UBE2D3: variants seen among roughly 807,000 people sequenced by gnomAD.
UBE2D3 encodes ubiquitin conjugating enzyme E2 D3.
In UBE2D3, 2 loss-of-function variants were observed where a neutral mutation model predicts 22.8. The observed-to-expected ratio is 0.09, with a 90% CI of 0.04 to 0.28. The LOEUF (loss-of-function observed/expected upper bound fraction) is 0.28, where lower values mean the gene tolerates loss of function less well. UBE2D3 is among the 10% of genes least tolerant of loss of function. The pLI, the probability that UBE2D3 is intolerant of heterozygous loss-of-function variation, is 1.00. For synonymous variants in UBE2D3, 56 were observed against 60.4 expected (o/e 0.93, Z 0.34); for missense variants, 27 against 182.5 (o/e 0.15, Z 4.91).
Position 102,836,678 on chromosome 4 carries a change from T to A in UBE2D3, c.-128-10042A>T, listed in dbSNP as rs549560265. ...GAGTGTTCCAATTTCTCCTGACTGG[T>A]TAGGATTAGTCTTTTCAATTTTAGC... On this transcript the variant is annotated intron_variant, in intron 1 of 7. Transcript: ENST00000338145. Among the ~76,000 whole-genome samples the A allele has an allele frequency of 2.0e-5, 3 of 152,344 alleles. No individual in the cohort carries two copies. The South Asian group carries it at 6.2e-4, about 32-fold the overall frequency.
intron 1 of UBE2D3, among the ~76,000 whole-genome samples, chr4:102,853,265 C>T (rs1208790974): frequency 6.6e-6 from 1 of 151,038 alleles, no homozygotes; most frequent in East Asian, 1.9e-4. Context: ...GCCTCAGCCT[C>T]CCGAGTAGCT....
chr4:102,799,282 A>C (rs1042141471), intron 7 of UBE2D3, 125 bp downstream of exon 7: 6 of 771,634 alleles, frequency 7.8e-6, no homozygotes, highest in South Asian at 2.0e-5. Flanking sequence ...ACATTTCAAT[A>C]GCTTTCTCCA....
At chr4:102,843,862 G>T (rs1167270112) in intron 1 of UBE2D3, 1 of 152,162 alleles carries the variant, frequency 6.6e-6, no homozygotes, top group Non-Finnish European at 1.5e-5. Context: ...ACCATATAGA[G>T]AACAGGAGAG....
At position 102,809,970 on chromosome 4, in the gene UBE2D3, A is replaced by G. The variant is rs142882083; in HGVS notation, c.25-115T>C. Reference sequence around the variant, plus strand: ...ATTTTTAAAGGCACACTCCATCACAATTCACATAAATAATATATTCCATTA... The same window carrying G: ...ATTTTTAAAGGCACACTCCATCACAGTTCACATAAATAATATATTCCATTA... On this transcript the variant is annotated intron_variant, in intron 2 of 7. Coordinates refer to ENST00000453744, the MANE Select transcript of UBE2D3 (RefSeq NM_181891.3). The G allele has an allele frequency of 1.5e-3, 1,477 of 958,604 alleles. 12 individuals carry two copies. The African/African-American group carries it at 0.018, about 12-fold the overall frequency. The allele number at this position is 958,604 out of a possible 1,614,324, so 59.4% of individuals were successfully genotyped here.
intron 1 of UBE2D3, among the ~76,000 whole-genome samples, chr4:102,866,170 C>A (rs1190447719): frequency 6.6e-6 from 1 of 151,494 alleles, no homozygotes; most frequent in Non-Finnish European, 1.5e-5. Context: ...GAATTATCTC[C>A]TATTACACAT....
intron 2 of UBE2D3, chr4:102,825,699 T>G (rs1346487624): frequency 1.4e-6 from 1 of 705,548 alleles, no homozygotes; most frequent in South Asian, 1.4e-5. Flanking sequence ...TGTTATTAAA[T>G]AGAATGAGGC....
intron 1 of UBE2D3, among the ~76,000 whole-genome samples, chr4:102,862,673 T>C (rs962204878): frequency 6.6e-6 from 1 of 152,216 alleles, no homozygotes; most frequent in African/African-American, 2.4e-5. Context: ...AATGGGTTCT[T>C]GGTTTGGATT....
chr4:102,838,712 G>A (rs1325881859), intron 1 of UBE2D3, among the ~76,000 whole-genome samples: 1 of 145,656 alleles, frequency 6.9e-6, no homozygotes, highest in Non-Finnish European at 1.5e-5. Flanking sequence ...GATAAGGGGG[G>A]ATACTAATAC....
At chr4:102,846,759 C>T (rs562519988) in intron 1 of UBE2D3, among the ~76,000 whole-genome samples, 1 of 152,092 alleles carries the variant, frequency 6.6e-6, no homozygotes, top group South Asian at 2.1e-4. Context: ...CCCACCTCAA[C>T]CTTCTGAGTA....
intron 1 of UBE2D3, among the ~76,000 whole-genome samples, chr4:102,864,537 C>T (rs980211880): frequency 4.6e-5 from 7 of 151,978 alleles, no homozygotes; most frequent in South Asian, 4.1e-4. Context: ...ATGGTAAAGA[C>T]GATAATGATA....
intron 1 of UBE2D3, among the ~76,000 whole-genome samples, chr4:102,845,279 A>T (rs1440489269): frequency 2.6e-5 from 4 of 152,186 alleles, no homozygotes; most frequent in Non-Finnish European, 5.9e-5. Context: ...GTGAATGGTC[A>T]CTGGTCCCTA....
chr4:102,812,547 A>G (rs192619843), intron 2 of UBE2D3: 9 of 152,386 alleles, frequency 5.9e-5, no homozygotes, highest in African/African-American at 1.9e-4. Flanking sequence ...AGATAGCTTG[A>G]AAAATCAGAT....
chr4:102,858,235 T>C (rs1365042666), intron 1 of UBE2D3, among the ~76,000 whole-genome samples: 1 of 152,010 alleles, frequency 6.6e-6, no homozygotes, highest in East Asian at 1.9e-4. Context: ...GTAGTGGCTA[T>C]TTTATTAAAA....
At position 102,826,591 on chromosome 4, in the gene UBE2D3, G is replaced by C; in HGVS notation, c.-83C>G. 6.2e-7 allele frequency: 1 copy of C among 1,602,852 alleles called. No individual in the cohort carries two copies. The highest frequency in any genetic ancestry group is 2.2e-5 in the East Asian group (1 of 44,846). ...AAAACTCTTGATTATCCCGGCGGCGGGGCAGGATTGTCTCGTCTCACACCA... is the reference window on the plus strand; with the variant it reads ...AAAACTCTTGATTATCCCGGCGGCGCGGCAGGATTGTCTCGTCTCACACCA... On this transcript the variant is annotated 5_prime_UTR_variant, in exon 2 of 8. Transcript: ENST00000453744.
At position 102,809,866 on chromosome 4, in the gene UBE2D3, A is replaced by G. The variant is rs1727669715; in HGVS notation, c.25-11T>C. On this transcript the variant is annotated splice_polypyrimidine_tract_variant and intron_variant, in intron 2 of 7. Transcript: ENST00000453744. ...CAAATCACTAAGTTCCTACACCAAG[A>G]CAGAAAATGGGTGAGTCACATAAGC... The G allele has an allele frequency of 1.2e-6, 2 of 1,612,540 alleles. No homozygotes were observed. The highest frequency in any genetic ancestry group is 2.7e-5 in the African/African-American group (2 of 74,680).
At chr4:102,827,926 G>T (rs967955431), upstream of UBE2D3, 1 of 985,530 alleles carries the variant, frequency 1.0e-6, no homozygotes, top group Non-Finnish European at 1.2e-6. Context: ...TCCCCACAGC[G>T]TCCCCCAGTT....
At position 102,868,584 on chromosome 4, in the gene UBE2D3, A is replaced by G. The variant is rs1347599774; in HGVS notation, c.-129+131T>C. The G allele has an allele frequency of 3.5e-6, 4 of 1,157,800 alleles. No homozygotes were observed. In the African/African-American group the frequency reaches 6.1e-5, roughly 18 times the overall value. The allele number at this position is 1,157,800 out of a possible 1,614,324, so 71.7% of individuals were successfully genotyped here. A position where few individuals can be genotyped will look rare whatever the true frequency, so the allele number is the denominator to read the frequency against. On this transcript the variant is annotated intron_variant, in intron 1 of 7. Transcript: ENST00000338145. ...GCCTGGCCTTTGGGTGAAGGAGTAA[A>G]ATTAGGCACTGGGGTCTGGGTAGGG...
At chr4:102,805,849 T>A (rs1247902660) in intron 4 of UBE2D3, among the ~76,000 whole-genome samples, 3 of 152,180 alleles carry the variant, frequency 2.0e-5, no homozygotes, top group Non-Finnish European at 4.4e-5. Context: ...CTCAATCCCT[T>A]TTTTCCTGTT....
chr4:102,865,997 C>G (rs1560897798), intron 1 of UBE2D3, among the ~76,000 whole-genome samples: 1 of 152,086 alleles, frequency 6.6e-6, no homozygotes, highest in Non-Finnish European at 1.5e-5. Context: ...CTATTTAGAG[C>G]AATATTATCT....
Sources: gnomAD v4.1 joint callset for allele counts (sites outside exome capture counted in the v4.1 genomes callset) on GRCh38, gnomAD v4.1.1 for gene constraint, MANE v1.5 for transcripts, NCBI Gene and HGNC (gene_info 2026-07-23, HGNC 2026-07-21) for gene names.